PPIP5K2: variants seen among roughly 807,000 people sequenced by gnomAD.
The protein encoded by PPIP5K2 is diphosphoinositol pentakisphosphate kinase 2, also known as inositol hexakisphosphate and diphosphoinositol-pentakisphosphate kinase 2.
In PPIP5K2, 105 loss-of-function variants were observed where a neutral mutation model predicts 154.6. That is an observed-to-expected ratio of 0.68 (90% CI 0.58 to 0.80). PPIP5K2 has a LOEUF of 0.80. Ranked by LOEUF, PPIP5K2 falls within the 30% of genes least tolerant of loss-of-function variation. The pLI, the probability that PPIP5K2 is intolerant of heterozygous loss-of-function variation, is 0.00. For missense variants in PPIP5K2, 992 were observed against 1,504.6 expected, an observed-to-expected ratio of 0.66 and a Z score of 5.64; for synonymous variants, 480 against 490.3, an observed-to-expected ratio of 0.98 and a Z score of 0.28.
At chr5:103,126,978 T>G (rs1789797619) in intron 1 of PPIP5K2, among the ~76,000 whole-genome samples, 1 of 152,170 alleles carries the variant, frequency 6.6e-6, no homozygotes, top group Non-Finnish European at 1.5e-5. Flanking sequence ...CACAGCCCAA[T>G]AGGTCTGCAC....
chr5:103,198,127 TTTC>T (rs1326483227), intron 30 of PPIP5K2, among the ~76,000 whole-genome samples: 1 of 152,100 alleles, frequency 6.6e-6, no homozygotes, highest in Admixed American at 6.5e-5. Context: ...TTATTTGTGA[TTTC>T]TTCTTTGATC....
intron 7 of PPIP5K2, among the ~76,000 whole-genome samples, chr5:103,148,927 T>G (rs1471927095): frequency 1.3e-5 from 2 of 152,188 alleles, no homozygotes; most frequent in African/African-American, 4.8e-5. Context: ...AATAGTTTTC[T>G]ATAGAGAATG....
intron 21 of PPIP5K2, chr5:103,176,755 T>G: frequency 1.7e-6 from 1 of 573,364 alleles, no homozygotes; most frequent in Non-Finnish European, 3.0e-6. Flanking sequence ...CTATAGACTT[T>G]ACTTTGAGTA....
intron 19 of PPIP5K2, among the ~76,000 whole-genome samples, chr5:103,171,270 A>G (rs184092254): frequency 6.6e-6 from 1 of 151,710 alleles, no homozygotes; most frequent in Admixed American, 6.6e-5. Context: ...ATGATGGTAT[A>G]GTGGTAAATA....
intron 3 of PPIP5K2, among the ~76,000 whole-genome samples, chr5:103,135,675 T>C (rs569253819): frequency 2.4e-4 from 36 of 151,830 alleles, no homozygotes; most frequent in African/African-American, 8.7e-4. Context: ...CAAGCACTCC[T>C]CCCAACTCGG....
chr5:103,187,322 C>T lies in PPIP5K2; in HGVS notation c.3298C>T (p.Arg1100Cys), dbSNP rs184999522. 85 of 1,534,890 alleles carry T rather than the reference C, an allele frequency of 5.5e-5. No individual in the cohort carries two copies. The highest frequency in any genetic ancestry group is 1.7e-4 in the Middle Eastern group (1 of 6,008). Residue 1100 changes from arginine (R) to cysteine (C), a missense_variant, in exon 28 of 31, where the codon CGC (arginine) becomes TGC (cysteine). Physicochemically the swap from Arg to Cys is radical, Grantham distance 180. Coordinates refer to ENST00000358359, the MANE Select transcript of PPIP5K2 (RefSeq NM_001276277.3). ...GTTTTTCTCTTTCTTAGACGCCACACGCGGTTCTGCTGTTAAAAGGTTTTC... is the reference window on the plus strand; with the variant it reads ...GTTTTTCTCTTTCTTAGACGCCACATGCGGTTCTGCTGTTAAAAGGTTTTC... ...TSSGCIDDAT[R>C]GSAVKRFSIS...
intron 28 of PPIP5K2, among the ~76,000 whole-genome samples, chr5:103,187,589 A>C (rs1800598708): frequency 6.6e-6 from 1 of 152,134 alleles, no homozygotes; most frequent in Non-Finnish European, 1.5e-5. Context: ...ATTACTCATC[A>C]AACTTTTAAT....
chr5:103,144,383 A>G (rs1793383382), intron 5 of PPIP5K2, among the ~76,000 whole-genome samples: 1 of 152,154 alleles, frequency 6.6e-6, no homozygotes, highest in South Asian at 2.1e-4. Context: ...GATTCAATGC[A>G]GTCAGAATAG....
intron 30 of PPIP5K2, 24 bp from the exon 31 acceptor site, chr5:103,201,492 GTTTTTT>G (rs371804029): frequency 1.8e-6 from 2 of 1,131,786 alleles, no homozygotes; most frequent in Non-Finnish European, 2.5e-6. Flanking sequence ...TTAAGCAATA[GTTTTTT>G]TTTTTTGTTT....
intron 13 of PPIP5K2, among the ~76,000 whole-genome samples, chr5:103,155,485 G>A (rs1260384300): frequency 1.6e-5 from 2 of 123,722 alleles, no homozygotes; most frequent in Non-Finnish European, 3.2e-5. Flanking sequence ...GGAGTCAGTG[G>A]TGTGATCTCA....
intron 8 of PPIP5K2, among the ~76,000 whole-genome samples, chr5:103,150,499 G>A (rs1171042403): frequency 3.9e-5 from 6 of 152,162 alleles, no homozygotes; most frequent in Non-Finnish European, 5.9e-5. Context: ...TCGACTGGGC[G>A]TGGTGGCTCA....
chr5:103,137,676 A>G (rs1791775477), intron 4 of PPIP5K2, among the ~76,000 whole-genome samples: 1 of 152,136 alleles, frequency 6.6e-6, no homozygotes, highest in African/African-American at 2.4e-5. Flanking sequence ...TTACAATATG[A>G]GATTTTATGT....
chr5:103,149,012 T>C (rs1794177192), intron 7 of PPIP5K2, 140 bp from the exon 8 acceptor site: 1 of 666,762 alleles, frequency 1.5e-6, no homozygotes, highest in Non-Finnish European at 2.3e-6. Context: ...TTTGGGCATG[T>C]AAAATAGAAA....
rs782816534 is a variant in PPIP5K2, at chr5:103,201,664, C to T, written c.*30C>T. 7.1e-7 allele frequency: 1 copy of T among 1,413,944 alleles called. No homozygotes were observed. 87.6% of individuals were successfully genotyped at this position (1,413,944 alleles called of 1,614,324 possible). A position where few individuals can be genotyped will look rare whatever the true frequency, so the allele number is the denominator to read the frequency against. On this transcript the variant is annotated 3_prime_UTR_variant, in exon 31 of 31. Coordinates refer to ENST00000358359, the MANE Select transcript of PPIP5K2 (RefSeq NM_001276277.3). ...TTAGCAGAAGCTGGAACTTTTTATA[C>T]TTATAAAAATAGTATGTTCTTATGT...
Position 103,205,455 on chromosome 5 carries a change from C to T in PPIP5K2, c.*3821C>T, listed in dbSNP as rs1414335784. 6.6e-6 allele frequency: 1 copy of T among 152,188 alleles called. No homozygotes were observed. Among genetic ancestry groups the T allele is most frequent in the African/African-American group, 2.4e-5 (1 of 41,464 alleles). The allele number at this position is 152,188 out of a possible 1,614,324, so 9.4% of individuals were successfully genotyped here. A position where few individuals can be genotyped will look rare whatever the true frequency, so the allele number is the denominator to read the frequency against. On this transcript the variant is annotated 3_prime_UTR_variant, in exon 31 of 31. Transcript: ENST00000358359. ...CAATGGTTGAACTAATTTACACTCC[C>T]ACCAAGTGTTCCTATTTCTCCACAT...
chr5:103,210,846 G>A lies in PPIP5K2; in HGVS notation c.*9212G>A, dbSNP rs903965039. 6.6e-6 allele frequency: 1 copy of A among 152,028 alleles called. No individual in the cohort carries two copies. Among genetic ancestry groups the A allele is most frequent in the Non-Finnish European group, 1.5e-5 (1 of 67,972 alleles). The allele number at this position is 152,028 out of a possible 1,614,324, so 9.4% of individuals were successfully genotyped here. On this transcript the variant is annotated 3_prime_UTR_variant, in exon 31 of 31. Coordinates refer to ENST00000358359, the MANE Select transcript of PPIP5K2 (RefSeq NM_001276277.3). ...TTTGTTATTATCCAGAATACATTTA[G>A]TTCTGGATTTTGTTTGATATTGTGA...
intron 2 of PPIP5K2, among the ~76,000 whole-genome samples, chr5:103,133,214 A>G (rs1790925786): frequency 6.6e-6 from 1 of 152,180 alleles, no homozygotes; most frequent in South Asian, 2.1e-4. Flanking sequence ...GAAAATAGCA[A>G]CCATATTTAT....
chr5:103,185,561 T>C (rs1270250368), intron 26 of PPIP5K2, among the ~76,000 whole-genome samples: 5 of 152,116 alleles, frequency 3.3e-5, no homozygotes, highest in Admixed American at 2.6e-4. Context: ...CTCCTTCTTA[T>C]TGATGTATCA....
At chr5:103,173,755 T>C in intron 20 of PPIP5K2, 103 bp from the exon 21 acceptor site, 1 of 794,214 alleles carries the variant, frequency 1.3e-6, no homozygotes, top group East Asian at 2.7e-5. Flanking sequence ...TTGTGGTCTT[T>C]TACTTCTAGT....
Sources: allele counts gnomAD v4.1 joint callset (sites outside exome capture counted in the v4.1 genomes callset), GRCh38; gene constraint gnomAD v4.1.1; transcripts MANE v1.5; gene names NCBI Gene and HGNC (gene_info 2026-07-23, HGNC 2026-07-21).